COL23A1: variants seen among roughly 807,000 people sequenced by gnomAD.
COL23A1 encodes collagen alpha-1(XXIII) chain.
COL23A1 carries 97 observed loss-of-function variants against 99.3 expected under a neutral mutation model. The ratio of observed to expected loss-of-function variants is 0.98; its 90% CI spans 0.83 to 1.16. COL23A1 has a LOEUF of 1.16. COL23A1 is among the 50% of genes most tolerant of loss of function. The pLI is 0.00. For missense variants in COL23A1, 762 were observed against 757.4 expected (o/e 1.01, Z -0.07); for synonymous variants, 320 against 308.2 (o/e 1.04, Z -0.40).
intron 2 of COL23A1, among the ~76,000 whole-genome samples, chr5:178,336,202 A>G (rs1248428563): frequency 6.6e-6 from 1 of 150,916 alleles, no homozygotes; most frequent in Non-Finnish European, 1.5e-5. Context: ...CTAAACACAG[A>G]GTTACCATAT....
chr5:178,338,354 C>A lies in COL23A1; in HGVS notation c.362-31435G>T, dbSNP rs113482543. ...GTGAGATAGCAAAGGCTGGTCAAGCCCTCAGAATGAAGCCCCAGGGACAGC... is the reference window on the plus strand; with the variant it reads ...GTGAGATAGCAAAGGCTGGTCAAGCACTCAGAATGAAGCCCCAGGGACAGC... On this transcript the variant is annotated intron_variant, in intron 2 of 28. Transcript: ENST00000390654. 8.5e-3 allele frequency among the ~76,000 whole-genome samples: 1,294 copies of A among 152,316 alleles called. 19 individuals carry two copies. Among genetic ancestry groups the A allele is most frequent in the African/African-American group, 0.03 (1,230 of 41,572 alleles).
intron 1 of COL23A1, among the ~76,000 whole-genome samples, chr5:178,570,105 T>C (rs75022707): frequency 0.02 from 2,706 of 136,178 alleles, 82 homozygotes; most frequent in African/African-American, 0.076. Flanking sequence ...CATTTCTTTT[T>C]CTTTTTCTTT....
At chr5:178,253,946 T>C (rs1233777190) in intron 16 of COL23A1, among the ~76,000 whole-genome samples, 2 of 151,540 alleles carry the variant, frequency 1.3e-5, no homozygotes, top group African/African-American at 4.8e-5. Flanking sequence ...GCAGGATCAC[T>C]TGAGGTCAGG....
chr5:178,561,246 G>C (rs936974013), intron 1 of COL23A1, among the ~76,000 whole-genome samples: 1 of 152,220 alleles, frequency 6.6e-6, no homozygotes, highest in African/African-American at 2.4e-5. Flanking sequence ...GGCCCGGGTT[G>C]AATCACCCTG....
chr5:178,307,634 T>C lies in COL23A1; in HGVS notation c.362-715A>G, dbSNP rs1372367770. Among the ~76,000 whole-genome samples, 2 of 152,244 alleles carry C rather than the reference T, an allele frequency of 1.3e-5. No individual in the cohort carries two copies. Among genetic ancestry groups the C allele is most frequent in the Non-Finnish European group, 2.9e-5 (2 of 68,042 alleles). ...CCTGAGACCAGAGTAACCTCAGCGCTGAAGGAGACGCTTTGACTCTGGCCG... is the reference window on the plus strand; with the variant it reads ...CCTGAGACCAGAGTAACCTCAGCGCCGAAGGAGACGCTTTGACTCTGGCCG... On this transcript the variant is annotated intron_variant, in intron 2 of 28. Transcript: ENST00000390654. The surrounding 1 kb of genome is among the most constrained non-coding windows in gnomAD (Gnocchi z 4.2).
chr5:178,341,679 C>T (rs1211490100), intron 2 of COL23A1, among the ~76,000 whole-genome samples: 1 of 152,154 alleles, frequency 6.6e-6, no homozygotes, highest in African/African-American at 2.4e-5. Flanking sequence ...CCACAGGTTG[C>T]CCCCGATCTG....
At position 178,242,088 on chromosome 5, in the gene COL23A1, TG is replaced by T. The variant is rs1308954869; in HGVS notation, c.1534del (p.Gln512ArgfsTer56). ...GCCTGGTGGTCCCGGCTCGCCCTTC[TG>T]GCCCTTCACTCCTTTCCGGCCGGGG... is the stretch of plus-strand genomic sequence containing the variant. Reference protein sequence around the residue: ...GVPGRKGVKGQKGEPGPPGLD... With the variant: ...GVPGRKGVKGXKGEPGPPGLD... On this transcript the variant is annotated frameshift_variant, in exon 27 of 29. Transcript: ENST00000390654. LOFTEE classifies it high-confidence loss of function. 1.3e-6 allele frequency: 2 copies of T among 1,553,994 alleles called. No homozygotes were observed. Among genetic ancestry groups the T allele is most frequent in the Non-Finnish European group, 1.7e-6 (2 of 1,148,448 alleles).
rs76944622 is a variant in COL23A1, at chr5:178,449,778, A to G, written c.361+110904T>C. Among the ~76,000 whole-genome samples, 237 of 151,676 alleles carry G rather than the reference A, an allele frequency of 1.6e-3. 1 individual carries two copies. The highest frequency in any genetic ancestry group is 2.7e-3 in the Non-Finnish European group (183 of 67,938). On this transcript the variant is annotated intron_variant, in intron 2 of 28. Transcript: ENST00000390654. ...TTTCTGAGAAAATTATACACAAAGC[A>G]CCCTTTTGCAGAGCTCTAGAGACAA...
intron 2 of COL23A1, among the ~76,000 whole-genome samples, chr5:178,484,378 C>T (rs376439915): frequency 1.2e-4 from 19 of 152,192 alleles, no homozygotes; most frequent in East Asian, 5.8e-4. Flanking sequence ...AGGATGGCTC[C>T]GAGGTCCCCT....
chr5:178,408,982 A>ACC (rs1554161411), intron 2 of COL23A1, among the ~76,000 whole-genome samples: 2 of 79,532 alleles, frequency 2.5e-5, no homozygotes, highest in Non-Finnish European at 5.0e-5. Context: ...AAATACACAC[A>ACC]CACACACACA....
At chr5:178,454,971 C>T (rs1027541280) in intron 2 of COL23A1, among the ~76,000 whole-genome samples, 1 of 152,224 alleles carries the variant, frequency 6.6e-6, no homozygotes. Flanking sequence ...TGTGGAGGCG[C>T]CTGCCATCCT....
At chr5:178,321,534 G>T (rs866967870) in intron 2 of COL23A1, among the ~76,000 whole-genome samples, 42 of 135,340 alleles carry the variant, frequency 3.1e-4, no homozygotes, top group Middle Eastern at 4.5e-3. Flanking sequence ...CTGTTGCCCA[G>T]GCTGGAGTGC....
At chr5:178,357,946 GTGTA>G (rs1761807299) in intron 2 of COL23A1, among the ~76,000 whole-genome samples, 1 of 148,840 alleles carries the variant, frequency 6.7e-6, no homozygotes, top group Non-Finnish European at 1.5e-5. Flanking sequence ...ATGTATGTGT[GTGTA>G]TGTATATGTG....
chr5:178,498,203 T>TAA (rs1460952967), intron 2 of COL23A1, among the ~76,000 whole-genome samples: 2 of 77,462 alleles, frequency 2.6e-5, no homozygotes, highest in African/African-American at 4.8e-5. Flanking sequence ...TGTCTTTATT[T>TAA]AAATATATAT....
chr5:178,465,882 C>A (rs2133281), intron 2 of COL23A1, among the ~76,000 whole-genome samples: 1 of 152,110 alleles, frequency 6.6e-6, no homozygotes, highest in South Asian at 2.1e-4. Flanking sequence ...GGTGTGGACT[C>A]GCCGCTTGCC....
At chr5:178,567,243 C>T (rs1205292741) in intron 1 of COL23A1, among the ~76,000 whole-genome samples, 1 of 152,206 alleles carries the variant, frequency 6.6e-6, no homozygotes, top group Non-Finnish European at 1.5e-5. Context: ...CTAGTAGTAA[C>T]AAGCACACAC....
At chr5:178,588,701 A>G (rs1166441944) in intron 1 of COL23A1, among the ~76,000 whole-genome samples, 2 of 151,796 alleles carry the variant, frequency 1.3e-5, no homozygotes, top group Non-Finnish European at 2.9e-5. Flanking sequence ...GTGACTAAGA[A>G]ACAGGTGGGG....
intron 17 of COL23A1, 24 bp from the exon 18 acceptor site, chr5:178,250,129 G>A (rs1238148421): frequency 3.7e-6 from 6 of 1,613,890 alleles, no homozygotes. Context: ...GATGGCAAGA[G>A]GGGTTATGCC....
intron 2 of COL23A1, 149 bp downstream of exon 2, chr5:178,560,533 G>A (rs1762503173): frequency 1.1e-5 from 7 of 622,024 alleles, no homozygotes; most frequent in Middle Eastern, 4.5e-4. Context: ...AGCCTGCCAG[G>A]GTCAATGTGG....
Sources: gnomAD v4.1 joint callset for allele counts (sites outside exome capture counted in the v4.1 genomes callset) on GRCh38, gnomAD v4.1.1 for gene constraint, Gnocchi (gnomAD v3.1) non-coding constraint, MANE v1.5 for transcripts, NCBI Gene and HGNC (gene_info 2026-07-23, HGNC 2026-07-21) for gene names.